GPC5: variants seen among roughly 807,000 people sequenced by gnomAD.
GPC5 encodes glypican 5, also known as glypican-5.
In GPC5, 47 loss-of-function variants were observed where a neutral mutation model predicts 53.9. The observed-to-expected ratio is 0.87, with a 90% CI of 0.69 to 1.11. The LOEUF (loss-of-function observed/expected upper bound fraction) is 1.11, where lower values mean the gene tolerates loss of function less well. Ranked by LOEUF, GPC5 falls within the 50% of genes most tolerant of loss-of-function variation. The probability of loss-of-function intolerance (pLI) is 0.00; values close to 1 mark genes in which losing one functional copy is unlikely to be tolerated. For synonymous variants in GPC5, 286 were observed against 263.3 expected, an observed-to-expected ratio of 1.09 and a Z score of -0.84; for missense variants, 748 against 713.1, an observed-to-expected ratio of 1.05 and a Z score of -0.56.
Position 92,144,942 on chromosome 13 carries a change from G to A in GPC5, c.1514G>A (p.Gly505Glu). 1 of 1,584,236 alleles carries A rather than the reference G, an allele frequency of 6.3e-7. No homozygotes were observed. The highest frequency in any genetic ancestry group is 8.6e-7 in the Non-Finnish European group (1 of 1,167,962). Reference sequence around the variant, plus strand: ...GACTGTGATGATGAAGATGGTTGCGGGGGATCAGGAAGTGGAGAAGTCAAG... The same window carrying A: ...GACTGTGATGATGAAGATGGTTGCGAGGGATCAGGAAGTGGAGAAGTCAAG... Reference protein sequence around the residue: ...SGDCDDEDGCGGSGSGEVKRT... With the variant: ...SGDCDDEDGCEGSGSGEVKRT... Residue 505 changes from glycine (G) to glutamate (E), a missense_variant, in exon 7 of 8, where the codon GGG becomes GAG. Gly to Glu is a moderately conservative substitution (Grantham distance 98, BLOSUM62 -2). Transcript: ENST00000377067.
At chr13:92,851,631 G>C (rs2892646) in intron 7 of GPC5, among the ~76,000 whole-genome samples, 52,227 of 151,438 alleles carry the variant, frequency 0.34, 11,487 homozygotes, top group East Asian at 0.72. Context: ...CCTGTAATCC[G>C]AGCACTTTGG....
intron 7 of GPC5, among the ~76,000 whole-genome samples, chr13:92,512,782 A>G (rs559115420): frequency 6.6e-6 from 1 of 152,318 alleles, no homozygotes; most frequent in African/African-American, 2.4e-5. Context: ...CTCAATTAAC[A>G]TTCTTAGAAT....
At chr13:92,330,687 C>G (rs1222161686) in intron 7 of GPC5, among the ~76,000 whole-genome samples, 2 of 152,092 alleles carry the variant, frequency 1.3e-5, no homozygotes, top group African/African-American at 4.8e-5. Flanking sequence ...GAGTATTTAT[C>G]TTTCCTAAGA....
At chr13:91,962,086 G>C (rs995236422) in intron 6 of GPC5, among the ~76,000 whole-genome samples, 4 of 152,138 alleles carry the variant, frequency 2.6e-5, no homozygotes, top group Non-Finnish European at 5.9e-5. Context: ...TCATTTGACA[G>C]TTAAATTTAG....
chr13:92,514,709 T>G (rs968538890), intron 7 of GPC5, among the ~76,000 whole-genome samples: 3 of 152,168 alleles, frequency 2.0e-5, no homozygotes, highest in Admixed American at 2.0e-4. Context: ...CCAGATGCTT[T>G]GTGAGGGGCG....
intron 6 of GPC5, among the ~76,000 whole-genome samples, chr13:92,051,607 G>T (rs529039634): frequency 1.3e-5 from 2 of 152,294 alleles, no homozygotes; most frequent in South Asian, 4.1e-4. Flanking sequence ...GTATCACAGA[G>T]ATTATTGAGA....
chr13:92,759,915 T>C lies in GPC5; in HGVS notation c.1562-106367T>C, dbSNP rs180873286. 2.1e-3 allele frequency among the ~76,000 whole-genome samples: 321 copies of C among 152,242 alleles called. 1 individual carries two copies. The highest frequency in any genetic ancestry group is 4.1e-3 in the South Asian group (20 of 4,832). ...TTACACCTAAACAGTTAAGAGTTTT[T>C]ATCAAGAAAGGATGTCAAACTTTGG... On this transcript the variant is annotated intron_variant, in intron 7 of 7. Transcript: ENST00000377067.
chr13:92,692,023 C>T (rs971455046), intron 7 of GPC5, among the ~76,000 whole-genome samples: 1 of 152,112 alleles, frequency 6.6e-6, no homozygotes, highest in African/African-American at 2.4e-5. Flanking sequence ...CCTTGTCCCT[C>T]TCCTTCCCTC....
intron 7 of GPC5, among the ~76,000 whole-genome samples, chr13:92,862,630 T>TAGAC (rs1378326697): frequency 8.0e-6 from 1 of 124,944 alleles, no homozygotes; most frequent in Non-Finnish European, 1.6e-5. Context: ...GATAGACAGA[T>TAGAC]AGATAGATAG....
chr13:91,412,018 C>T (rs1877831084), intron 1 of GPC5, among the ~76,000 whole-genome samples: 1 of 152,218 alleles, frequency 6.6e-6, no homozygotes, highest in Non-Finnish European at 1.5e-5. Flanking sequence ...CTCCCTTCCC[C>T]ACCCTTTCCT....
chr13:91,687,707 A>T (rs1202142110), intron 2 of GPC5, among the ~76,000 whole-genome samples: 1 of 152,056 alleles, frequency 6.6e-6, no homozygotes, highest in Non-Finnish European at 1.5e-5. Context: ...TGGAAAGAAG[A>T]GCTTGTTGAA....
chr13:91,513,066 A>G (rs1200496258), intron 2 of GPC5, among the ~76,000 whole-genome samples: 1 of 152,222 alleles, frequency 6.6e-6, no homozygotes, highest in African/African-American at 2.4e-5. Flanking sequence ...CAGGCTGGTT[A>G]CATAGGTAAA....
At chr13:92,285,241 A>G (rs2139175164) in intron 7 of GPC5, among the ~76,000 whole-genome samples, 1 of 152,264 alleles carries the variant, frequency 6.6e-6, no homozygotes, top group African/African-American at 2.4e-5. Flanking sequence ...AAATAAAAGA[A>G]GACACAAAGA....
At chr13:92,616,817 G>A (rs1377333606) in intron 7 of GPC5, among the ~76,000 whole-genome samples, 1 of 152,018 alleles carries the variant, frequency 6.6e-6, no homozygotes. Flanking sequence ...AGCAAGAACT[G>A]CATTAACTGT....
intron 6 of GPC5, among the ~76,000 whole-genome samples, chr13:91,983,895 T>C (rs1278069839): frequency 6.6e-6 from 1 of 152,196 alleles, no homozygotes; most frequent in East Asian, 1.9e-4. Flanking sequence ...CATCCTTCCT[T>C]GAGAATAAAT....
intron 7 of GPC5, among the ~76,000 whole-genome samples, chr13:92,717,558 C>A (rs1003117818): frequency 3.3e-5 from 5 of 152,214 alleles, no homozygotes; most frequent in African/African-American, 1.2e-4. Flanking sequence ...GAATCCTCTA[C>A]ACTTTCTCCT....
intron 3 of GPC5, among the ~76,000 whole-genome samples, chr13:91,721,080 T>C (rs1430255357): frequency 1.8e-4 from 3 of 16,244 alleles, no homozygotes; most frequent in Non-Finnish European, 3.4e-4. Context: ...TTTCTTTCTT[T>C]CTTTCTTTCT....
At chr13:92,376,361 C>T (rs1404951127) in intron 7 of GPC5, among the ~76,000 whole-genome samples, 1 of 152,130 alleles carries the variant, frequency 6.6e-6, no homozygotes, top group African/African-American at 2.4e-5. Flanking sequence ...TTTGCATGGG[C>T]TTCTCATCTG....
intron 2 of GPC5, among the ~76,000 whole-genome samples, chr13:91,636,406 G>A (rs1301002775): frequency 6.6e-6 from 1 of 151,982 alleles, no homozygotes; most frequent in Non-Finnish European, 1.5e-5. Context: ...TTATGTGTGT[G>A]TGTATATACA....
Sources: allele counts gnomAD v4.1 joint callset (sites outside exome capture counted in the v4.1 genomes callset), GRCh38; gene constraint gnomAD v4.1.1; transcripts MANE v1.5; gene names NCBI Gene and HGNC (gene_info 2026-07-23, HGNC 2026-07-21).